Variants in NEDD4L observed in about 807,000 individuals in gnomAD.
NEDD4L encodes NEDD4 like E3 ubiquitin protein ligase.
Under a neutral mutation model 148.9 loss-of-function variants are expected in NEDD4L, and 54 were observed. That is an observed-to-expected ratio of 0.36 (90% CI 0.29 to 0.45). NEDD4L has a LOEUF of 0.45. NEDD4L is among the 20% of genes least tolerant of loss of function. The probability of loss-of-function intolerance (pLI) is 1.00; values close to 1 mark genes in which losing one functional copy is unlikely to be tolerated. For missense variants in NEDD4L, 856 were observed against 1,233.8 expected (o/e 0.69, Z 4.59); for synonymous variants, 433 against 440.7 (o/e 0.98, Z 0.22).
chr18:58,128,017 T>C (rs57496315), intron 1 of NEDD4L, among the ~76,000 whole-genome samples: 1 of 151,182 alleles, frequency 6.6e-6, no homozygotes, highest in African/African-American at 2.4e-5. Flanking sequence ...AATTTTTTTG[T>C]TTTGTTTTGT....
chr18:58,352,459 AGCCTGGC>A (rs2044016454), intron 18 of NEDD4L, among the ~76,000 whole-genome samples: 1 of 152,134 alleles, frequency 6.6e-6, no homozygotes, highest in Non-Finnish European at 1.5e-5. Flanking sequence ...GTTCGAGATT[AGCCTGGC>A]CAACGTGATG....
At chr18:58,118,721 A>G (rs2086023267) in intron 1 of NEDD4L, among the ~76,000 whole-genome samples, 1 of 152,082 alleles carries the variant, frequency 6.6e-6, no homozygotes, top group Non-Finnish European at 1.5e-5. Flanking sequence ...AAATCACTAG[A>G]GCGAAGAGAA....
intron 2 of NEDD4L, among the ~76,000 whole-genome samples, chr18:58,198,701 C>T (rs909672374): frequency 1.3e-5 from 2 of 152,128 alleles, no homozygotes; most frequent in Non-Finnish European, 2.9e-5. Flanking sequence ...AATTTGAATT[C>T]CTTGTTTCTA....
chr18:58,047,955 G>A (rs1434497030), intron 1 of NEDD4L, among the ~76,000 whole-genome samples: 69 of 152,288 alleles, frequency 4.5e-4, no homozygotes, highest in Non-Finnish European at 4.4e-5. Flanking sequence ...GGATTGAATG[G>A]CAGCTTCTTA....
intron 1 of NEDD4L, among the ~76,000 whole-genome samples, chr18:58,112,468 A>ATAT (rs1293299633): frequency 6.6e-6 from 1 of 151,220 alleles, no homozygotes; most frequent in Non-Finnish European, 1.5e-5. Flanking sequence ...ATGTATATAT[A>ATAT]TATAGAGAGA....
chr18:58,333,669 C>A, intron 11 of NEDD4L, 149 bp from the exon 12 acceptor site: 1 of 638,724 alleles, frequency 1.6e-6, no homozygotes, highest in Non-Finnish European at 2.8e-6. Flanking sequence ...TCAAGGATGA[C>A]TGTCCTTGCT....
At chr18:58,297,256 G>A (rs1191512874) in intron 5 of NEDD4L, among the ~76,000 whole-genome samples, 1 of 152,148 alleles carries the variant, frequency 6.6e-6, no homozygotes, top group African/African-American at 2.4e-5. Flanking sequence ...TTGTGGGCCA[G>A]TATTCAGCCT....
At chr18:58,389,230 C>G in intron 28 of NEDD4L, 38 bp downstream of exon 28, 2 of 1,487,058 alleles carry the variant, frequency 1.3e-6, no homozygotes, top group Admixed American at 3.4e-5. Flanking sequence ...TGTCCTCCAC[C>G]TGAGGCAGGA....
intron 16 of NEDD4L, among the ~76,000 whole-genome samples, 156 bp from the exon 17 acceptor site, chr18:58,349,381 A>G (rs1220790990): frequency 1.3e-5 from 2 of 151,696 alleles, no homozygotes; most frequent in Non-Finnish European, 2.9e-5. Flanking sequence ...ACAGTCAGCC[A>G]GGCTTCCTGT....
chr18:58,276,733 G>A (rs938611257), intron 5 of NEDD4L, among the ~76,000 whole-genome samples: 5 of 149,896 alleles, frequency 3.3e-5, no homozygotes, highest in African/African-American at 9.8e-5. Flanking sequence ...CTTACTAGGC[G>A]AAGTTAATAG....
chr18:58,272,056 A>G (rs1234003094), intron 5 of NEDD4L, among the ~76,000 whole-genome samples: 4 of 152,208 alleles, frequency 2.6e-5, no homozygotes, highest in African/African-American at 9.6e-5. Flanking sequence ...ATTTATGAAA[A>G]ATAGAAAAAC....
chr18:58,050,187 C>T (rs1457477125), intron 1 of NEDD4L, among the ~76,000 whole-genome samples: 1 of 152,114 alleles, frequency 6.6e-6, no homozygotes, highest in Non-Finnish European at 1.5e-5. Context: ...GACATAGTGG[C>T]TCACATCTGT....
chr18:58,142,192 A>G (rs529514322), intron 1 of NEDD4L, among the ~76,000 whole-genome samples: 3 of 142,362 alleles, frequency 2.1e-5, no homozygotes, highest in African/African-American at 5.2e-5. Context: ...GACTACAGGC[A>G]CCCGCCACCA....
intron 2 of NEDD4L, among the ~76,000 whole-genome samples, chr18:58,208,325 T>C (rs536959559): frequency 1.3e-5 from 2 of 152,326 alleles, no homozygotes; most frequent in African/African-American, 4.8e-5. Context: ...TTATTAGCAC[T>C]TCAGTTGTTT....
chr18:58,215,121 G>A (rs889892033), intron 2 of NEDD4L, among the ~76,000 whole-genome samples: 2 of 152,054 alleles, frequency 1.3e-5, no homozygotes, highest in African/African-American at 4.8e-5. Flanking sequence ...CTGGTGTTTC[G>A]TGATATATCT....
At chr18:58,210,047 A>G (rs1344272536) in intron 2 of NEDD4L, among the ~76,000 whole-genome samples, 1 of 152,104 alleles carries the variant, frequency 6.6e-6, no homozygotes, top group African/African-American at 2.4e-5. Flanking sequence ...TATGCCTGTA[A>G]TCTCAGCTAC....
chr18:58,248,133 G>A (rs1021227162), intron 3 of NEDD4L, among the ~76,000 whole-genome samples: 3 of 152,158 alleles, frequency 2.0e-5, no homozygotes, highest in Admixed American at 1.3e-4. Context: ...GTCTTTAAGA[G>A]GCTTATGCAT....
At chr18:58,070,844 A>G (rs1403446480) in intron 1 of NEDD4L, among the ~76,000 whole-genome samples, 2 of 152,158 alleles carry the variant, frequency 1.3e-5, no homozygotes, top group Non-Finnish European at 2.9e-5. Context: ...GGCAAACAAA[A>G]AACAAAACAA....
intron 5 of NEDD4L, chr18:58,255,456 T>A (rs2048402154): frequency 5.8e-6 from 7 of 1,206,064 alleles, no homozygotes; most frequent in Non-Finnish European, 7.2e-6. Context: ...TCTTATCCAA[T>A]CATGCCTGGA....
Sources: allele counts gnomAD v4.1 joint callset (sites outside exome capture counted in the v4.1 genomes callset), GRCh38; gene constraint gnomAD v4.1.1; transcripts MANE v1.5; gene names NCBI Gene and HGNC (gene_info 2026-07-23, HGNC 2026-07-21).